Variants in NRP2 observed in about 807,000 individuals in gnomAD.
NRP2 encodes the protein neuropilin-2.
NRP2 carries 52 observed loss-of-function variants against 110.4 expected under a neutral mutation model. That is an observed-to-expected ratio of 0.47 (90% CI 0.38 to 0.59). The LOEUF (loss-of-function observed/expected upper bound fraction) is 0.59. Among genes scored for constraint, NRP2 ranks in the 20% least tolerant of loss-of-function variants. The pLI is 0.00. For missense variants in NRP2, 1,049 were observed against 1,203.0 expected (o/e 0.87, Z 1.89); for synonymous variants, 508 against 468.9 (o/e 1.08, Z -1.08).
At chr2:205,712,640 G>A (rs958574102) in intron 2 of NRP2, among the ~76,000 whole-genome samples, 3 of 152,132 alleles carry the variant, frequency 2.0e-5, no homozygotes, top group Non-Finnish European at 4.4e-5. Context: ...TTCCCCAAAT[G>A]AGTCAGTCAC....
At chr2:205,702,668 TGA>T (rs2056585771) in intron 2 of NRP2, among the ~76,000 whole-genome samples, 1 of 152,206 alleles carries the variant, frequency 6.6e-6, no homozygotes, top group Admixed American at 6.5e-5. Flanking sequence ...GTTTCCCAGT[TGA>T]TAACCTGATC....
At chr2:205,746,473 G>A (rs141168953) in intron 10 of NRP2, among the ~76,000 whole-genome samples, 197 of 152,328 alleles carry the variant, frequency 1.3e-3, no homozygotes, top group African/African-American at 4.1e-3. Flanking sequence ...TGAGGCCCAC[G>A]GAGGGTGCCC....
In NRP2 at chr2:205,697,652, C is replaced by A; in HGVS notation, c.182C>A (p.Ala61Asp). The A allele has an allele frequency of 6.2e-7, 1 of 1,613,970 alleles. No homozygotes were observed. The highest frequency in any genetic ancestry group is 8.5e-7 in the Non-Finnish European group (1 of 1,179,990). Residue 61 changes from alanine (A) to aspartate (D), a missense_variant, in exon 2 of 17, where the codon GCC becomes GAC. Physicochemically the swap from Ala to Asp is moderately radical, Grantham distance 126. Coordinates refer to ENST00000357785, the MANE Select transcript of NRP2 (RefSeq NM_003872.3). ...SHQNCEWIVY[A>D]PEPNQKIVLN... ...CAGAACTGCGAGTGGATTGTTTACG[C>A]CCCCGAACCCAACCAGAAGATTGTC... is the stretch of plus-strand genomic sequence containing the variant.
At position 205,791,936 on chromosome 2, in the gene NRP2, T is replaced by A. The variant is rs562170195; in HGVS notation, c.2426-299T>A. Among the ~76,000 whole-genome samples, 415 of 152,306 alleles carry A rather than the reference T, an allele frequency of 2.7e-3. 2 individuals carry two copies. The highest frequency in any genetic ancestry group is 9.4e-3 in the African/African-American group (391 of 41,578). On this transcript the variant is annotated intron_variant, in intron 15 of 16. Transcript: ENST00000357785. Reference sequence around the variant, plus strand: ...AAGATGCCATTGAAGGTGCCTTAAATGAAACCTGTGTTCCTAATGAATGCC... The same window carrying A: ...AAGATGCCATTGAAGGTGCCTTAAAAGAAACCTGTGTTCCTAATGAATGCC...
chr2:205,790,799 G>A (rs2058292516), intron 15 of NRP2, among the ~76,000 whole-genome samples: 1 of 152,168 alleles, frequency 6.6e-6, no homozygotes, highest in Non-Finnish European at 1.5e-5. Flanking sequence ...GCCTGGAGGA[G>A]AATGCAGGGA....
intron 9 of NRP2, 200 bp downstream of exon 9, chr2:205,743,752 G>GTT: frequency 8.4e-7 from 1 of 1,196,462 alleles, no homozygotes; most frequent in Non-Finnish European, 1.1e-6. Flanking sequence ...TTGTTTGTTT[G>GTT]TTTGTTTGTT....
chr2:205,685,358 A>G (rs956218762), intron 1 of NRP2, among the ~76,000 whole-genome samples: 1 of 152,270 alleles, frequency 6.6e-6, no homozygotes, highest in Middle Eastern at 3.4e-3. Flanking sequence ...TTTCAGGCGG[A>G]GCAAAGCACT....
intron 3 of NRP2, chr2:205,722,174 C>G (rs147924556): frequency 5.2e-5 from 1 of 19,386 alleles, no homozygotes; most frequent in Non-Finnish European, 1.9e-4. Context: ...CTCTCTCATA[C>G]ACACACACAC....
chr2:205,753,124 G>T, intron 12 of NRP2, 149 bp downstream of exon 12: 1 of 1,087,084 alleles, frequency 9.2e-7, no homozygotes, highest in Admixed American at 1.9e-5. Context: ...CTTTGCTCAA[G>T]ACGTCACCTC....
At chr2:205,698,351 T>G (rs1167644701) in intron 2 of NRP2, among the ~76,000 whole-genome samples, 5 of 152,218 alleles carry the variant, frequency 3.3e-5, no homozygotes, top group Admixed American at 1.3e-4. Context: ...ATTACAAATA[T>G]TAATCCATTT....
At chr2:205,731,753 T>C (rs964361707) in intron 7 of NRP2, among the ~76,000 whole-genome samples, 14 of 152,070 alleles carry the variant, frequency 9.2e-5, no homozygotes, top group African/African-American at 3.1e-4. Context: ...AGATCGAGGA[T>C]GGATGGGTGA....
chr2:205,704,605 G>T (rs1343912641), intron 2 of NRP2, among the ~76,000 whole-genome samples: 1 of 152,182 alleles, frequency 6.6e-6, no homozygotes, highest in Non-Finnish European at 1.5e-5. Flanking sequence ...CCTCACCCAT[G>T]GATCAGGGGG....
chr2:205,728,344 C>G (rs2057170367), intron 7 of NRP2, among the ~76,000 whole-genome samples: 1 of 152,160 alleles, frequency 6.6e-6, no homozygotes, highest in Non-Finnish European at 1.5e-5. Context: ...TCCACTTCTC[C>G]CCACCCAGGA....
Position 205,727,885 on chromosome 2 carries a change from C to A in NRP2, c.991-6C>A, listed in dbSNP as rs984002022. 1 of 1,611,698 alleles carries A rather than the reference C, an allele frequency of 6.2e-7. No homozygotes were observed. The highest frequency in any genetic ancestry group is 1.7e-5 in the Admixed American group (1 of 59,824). On this transcript the variant is annotated splice_region_variant and splice_polypyrimidine_tract_variant and intron_variant, in intron 6 of 16. Coordinates refer to ENST00000357785, the MANE Select transcript of NRP2 (RefSeq NM_003872.3). ...TGGTCTCTTACTCCAGCCCTCTATT[C>A]CCCAGGTGGACCTGCGCTTTTTAAC...
chr2:205,753,668 C>T (rs1215614163), intron 12 of NRP2, among the ~76,000 whole-genome samples: 1 of 152,314 alleles, frequency 6.6e-6, no homozygotes, highest in East Asian at 1.9e-4. Context: ...TCTGCTGTTA[C>T]GTGCTTTCAC....
In NRP2 at chr2:205,722,662, G is replaced by C. The variant is rs141359798; in HGVS notation, c.618G>C (p.Gly206=). Residue 206 remains glycine (G), a synonymous_variant, in exon 4 of 17, where the codon GGG becomes GGC. Transcript: ENST00000357785. ...ATGACCCTTTGCAGGTGGGAGAGGG[G>C]GACTGCAAGTACGATTGGCTGGACA... ...LEHDPLQVGE[G]DCKYDWLDIW... 5.3e-5 allele frequency: 86 copies of C among 1,614,018 alleles called. No individual in the cohort carries two copies. Among genetic ancestry groups the C allele is most frequent in the Middle Eastern group, 3.3e-4 (2 of 6,084 alleles).
rs80250542 is a variant in NRP2, at chr2:205,729,252, T to C, written c.1146+1206T>C. Among the ~76,000 whole-genome samples, 568 of 152,366 alleles carry C rather than the reference T, an allele frequency of 3.7e-3. 4 individuals are homozygous for C. Among genetic ancestry groups the C allele is most frequent in the African/African-American group, 0.012 (496 of 41,588 alleles). ...CCATAGTAACGGGGTACCACTCATCTGAAAACCATGGCTTCTGGATATTAC... is the reference window on the plus strand; with the variant it reads ...CCATAGTAACGGGGTACCACTCATCCGAAAACCATGGCTTCTGGATATTAC... On this transcript the variant is annotated intron_variant, in intron 7 of 16. Coordinates refer to ENST00000357785, the MANE Select transcript of NRP2 (RefSeq NM_003872.3).
intron 15 of NRP2, chr2:205,776,334 C>A: frequency 6.2e-7 from 1 of 1,612,970 alleles, no homozygotes; most frequent in South Asian, 1.1e-5. Flanking sequence ...TAATGGCCGC[C>A]GGGGGCGCCG....
intron 16 of NRP2, among the ~76,000 whole-genome samples, chr2:205,793,645 TC>T (rs977383450): frequency 6.6e-6 from 1 of 152,156 alleles, no homozygotes; most frequent in Non-Finnish European, 1.5e-5. Flanking sequence ...AGATGGCCAT[TC>T]TCCTGTTCAT....
Sources: allele counts gnomAD v4.1 joint callset (sites outside exome capture counted in the v4.1 genomes callset), GRCh38; gene constraint gnomAD v4.1.1; transcripts MANE v1.5; gene names NCBI Gene and HGNC (gene_info 2026-07-23, HGNC 2026-07-21).